The following KIZ variants were observed in gnomAD, a reference collection of about 807,000 sequenced individuals.
KIZ encodes centrosomal protein kizuna.
KIZ carries 68 observed loss-of-function variants against 79.6 expected under a neutral mutation model. The observed-to-expected ratio is 0.85, with a 90% CI of 0.70 to 1.05. The LOEUF (loss-of-function observed/expected upper bound fraction) is 1.05, where lower values mean the gene tolerates loss of function less well. Ranked by LOEUF, KIZ falls within the 50% of genes least tolerant of loss-of-function variation. The pLI, the probability that KIZ is intolerant of heterozygous loss-of-function variation, is 0.00. For missense variants in KIZ, 797 were observed against 800.4 expected (o/e 1.00, Z 0.05); for synonymous variants, 280 against 281.8 (o/e 0.99, Z 0.06).
chr20:21,244,341 C>T (rs934868722), intron 12 of KIZ, 53 bp downstream of exon 12: 5 of 1,271,254 alleles, frequency 3.9e-6, no homozygotes, highest in Middle Eastern at 1.9e-4. Flanking sequence ...AACCAAAAAA[C>T]TCTGTGACAT....
At chr20:21,199,533 G>A (rs2035500892) in intron 6 of KIZ, among the ~76,000 whole-genome samples, 1 of 152,164 alleles carries the variant, frequency 6.6e-6, no homozygotes, top group Non-Finnish European at 1.5e-5. Context: ...TGAAAAAAGT[G>A]CCAAGTGTTT....
intron 4 of KIZ, among the ~76,000 whole-genome samples, chr20:21,161,340 A>G (rs78815716): frequency 0.02 from 3,069 of 152,156 alleles, 111 homozygotes; most frequent in African/African-American, 0.071. Context: ...TCAAAAACAT[A>G]TTCTATACTT....
At chr20:21,156,243 C>T (rs1040517591) in intron 4 of KIZ, among the ~76,000 whole-genome samples, 7 of 152,194 alleles carry the variant, frequency 4.6e-5, no homozygotes, top group African/African-American at 1.7e-4. Context: ...TTACTGTTAA[C>T]TGAACTCTAG....
At chr20:21,207,304 CAG>C (rs1394103038) in intron 7 of KIZ, among the ~76,000 whole-genome samples, 7 of 152,074 alleles carry the variant, frequency 4.6e-5, no homozygotes, top group Non-Finnish European at 8.8e-5. Context: ...AAGAGAGTAG[CAG>C]GACTTTTTTT....
chr20:21,151,327 T>A (rs1443072247), intron 4 of KIZ: 3 of 152,162 alleles, frequency 2.0e-5, no homozygotes, highest in African/African-American at 7.2e-5. Flanking sequence ...TTTTTATAAC[T>A]TACCCATTGT....
chr20:21,126,366 C>G (rs1223654206), intron 1 of KIZ, among the ~76,000 whole-genome samples, 162 bp downstream of exon 1: 1 of 152,048 alleles, frequency 6.6e-6, no homozygotes, highest in Admixed American at 6.5e-5. Flanking sequence ...ACAGTGTTTA[C>G]TAGAGCCACC....
At chr20:21,194,400 A>T (rs1439221213) in intron 6 of KIZ, 1 of 152,242 alleles carries the variant, frequency 6.6e-6, no homozygotes, top group Non-Finnish European at 1.5e-5. Context: ...CTTGAGTTCT[A>T]AAATAGTTAC....
In KIZ at chr20:21,132,015, A is replaced by G. The variant is rs959693311; in HGVS notation, c.90-82A>G. The G allele has an allele frequency of 1.0e-5, 7 of 681,750 alleles. No individual in the cohort carries two copies. The South Asian group carries it at 1.1e-4, about 11-fold the overall frequency. 42.2% of individuals were successfully genotyped at this position (681,750 alleles called of 1,614,324 possible). ...CTAATCAACACCTTGCAACAAAGCCATTATTTCAAAGAAGAGCATGGTCTA... is the reference window on the plus strand; with the variant it reads ...CTAATCAACACCTTGCAACAAAGCCGTTATTTCAAAGAAGAGCATGGTCTA... On this transcript the variant is annotated intron_variant, in intron 1 of 12. Coordinates refer to ENST00000619189, the MANE Select transcript of KIZ (RefSeq NM_018474.6).
intron 7 of KIZ, among the ~76,000 whole-genome samples, chr20:21,210,307 T>TTAA (rs201211031): frequency 2.0e-5 from 3 of 151,942 alleles, no homozygotes; most frequent in Non-Finnish European, 4.4e-5. Context: ...GACTCCGTCT[T>TTAA]TAATAATAAT....
In KIZ at chr20:21,173,577, C is replaced by CAAA. The variant is rs749330317; in HGVS notation, c.1352+10435_1352+10437dup. Among the ~76,000 whole-genome samples the CAAA allele has an allele frequency of 7.7e-3, 288 of 37,294 alleles. 2 individuals are homozygous for CAAA. Among genetic ancestry groups the CAAA allele is most frequent in the African/African-American group, 0.012 (180 of 15,004 alleles). The allele number at this position is 37,294 out of a possible 152,430, so 24.5% of individuals were successfully genotyped here. ...TGGGCAACAGAGGGAGATGCCGTCT[C>CAAA]AAAAAAAAAAAAAAAAAAAGAAAGA... On this transcript the variant is annotated intron_variant, in intron 6 of 12. Coordinates refer to ENST00000619189, the MANE Select transcript of KIZ (RefSeq NM_018474.6).
chr20:21,186,386 G>T (rs182748860), intron 6 of KIZ, among the ~76,000 whole-genome samples: 9 of 151,896 alleles, frequency 5.9e-5, no homozygotes, highest in Non-Finnish European at 1.5e-5. Context: ...ACTGGCATCT[G>T]TAATCATGAG....
rs1282376513 is a variant in KIZ at position 21,126,176 on chromosome 20, GGCCA to G, written c.62_65del (p.Gly21AspfsTer33). ...GAGTCCCGACTACTACGAGAGGCTG[GGCCA>G]ACTCCAGCACGGGCTGCGGGACAGG... On this transcript the variant is annotated frameshift_variant, in exon 1 of 13. Coordinates refer to ENST00000619189, the MANE Select transcript of KIZ (RefSeq NM_018474.6). LOFTEE classifies it high-confidence loss of function. 9 of 1,501,310 alleles carry G rather than the reference GGCCA, an allele frequency of 6.0e-6. No homozygotes were observed. The East Asian group carries it at 2.3e-4, about 38-fold the overall frequency. 93.0% of individuals were successfully genotyped at this position (1,501,310 alleles called of 1,614,324 possible). A position where few individuals can be genotyped will look rare whatever the true frequency, so the allele number is the denominator to read the frequency against.
intron 6 of KIZ, among the ~76,000 whole-genome samples, chr20:21,190,516 G>A (rs374426982): frequency 6.6e-6 from 1 of 152,242 alleles, no homozygotes; most frequent in Non-Finnish European, 1.5e-5. Context: ...TCTTATTGAT[G>A]AAGGTGCTAA....
chr20:21,191,861 G>A (rs2035120502), intron 6 of KIZ, among the ~76,000 whole-genome samples: 1 of 150,446 alleles, frequency 6.6e-6, no homozygotes, highest in Admixed American at 6.6e-5. Context: ...AAAAAAAAAA[G>A]CAGCCCCAAA....
At chr20:21,177,911 T>C (rs1417371085) in intron 6 of KIZ, among the ~76,000 whole-genome samples, 4 of 152,136 alleles carry the variant, frequency 2.6e-5, no homozygotes, top group African/African-American at 9.6e-5. Context: ...TTATGGGCTC[T>C]CTATTCTGAA....
chr20:21,127,321 C>G (rs1249726828), intron 1 of KIZ, among the ~76,000 whole-genome samples: 2 of 152,182 alleles, frequency 1.3e-5, no homozygotes, highest in Non-Finnish European at 2.9e-5. Flanking sequence ...TCCTGTAGAG[C>G]CTTCCCTGTT....
At chr20:21,164,975 G>T (rs370618531) in intron 6 of KIZ, among the ~76,000 whole-genome samples, 24 of 152,084 alleles carry the variant, frequency 1.6e-4, no homozygotes, top group African/African-American at 5.6e-4. Context: ...TAGTTAACTT[G>T]CTGACATCAC....
intron 4 of KIZ, among the ~76,000 whole-genome samples, chr20:21,160,262 C>T (rs1054701139): frequency 1.3e-5 from 2 of 152,158 alleles, no homozygotes; most frequent in African/African-American, 4.8e-5. Flanking sequence ...CTGACCTTCG[C>T]ATCCCCCATG....
intron 10 of KIZ, among the ~76,000 whole-genome samples, chr20:21,229,609 G>A (rs1386469417): frequency 6.6e-6 from 1 of 151,872 alleles, no homozygotes; most frequent in Non-Finnish European, 1.5e-5. Context: ...ACAGGGTCTT[G>A]CTCTGTCTCC....
Sources: gnomAD v4.1 joint callset for allele counts (sites outside exome capture counted in the v4.1 genomes callset) on GRCh38, gnomAD v4.1.1 for gene constraint, MANE v1.5 for transcripts, NCBI Gene and HGNC (gene_info 2026-07-23, HGNC 2026-07-21) for gene names.